Variants in CENPQ observed in about 807,000 individuals in gnomAD.
CENPQ encodes centromere protein Q, also known as chromosome 6 open reading frame 139.
CENPQ carries 27 observed loss-of-function variants against 36.6 expected under a neutral mutation model. That is an observed-to-expected ratio of 0.74 (90% CI 0.54 to 1.02). The LOEUF (loss-of-function observed/expected upper bound fraction) is 1.02, where lower values mean the gene tolerates loss of function less well. CENPQ is among the 50% of genes least tolerant of loss of function. The pLI is 0.00. For missense variants in CENPQ, 306 were observed against 301.8 expected (o/e 1.01, Z -0.10); for synonymous variants, 101 against 101.7 (o/e 0.99, Z 0.04).
rs577581513 is a variant in CENPQ at position 49,479,372 on chromosome 6, G to GA, written c.348-1572dup. ...AAACATACATGCGGCCAACAAACATGAAAAAAATGCTCTCAACATCACTAA... is the reference window on the plus strand; with the variant it reads ...AAACATACATGCGGCCAACAAACATGAAAAAAAATGCTCTCAACATCACTAA... On this transcript the variant is annotated intron_variant, in intron 5 of 8. Coordinates refer to ENST00000335783, the MANE Select transcript of CENPQ (RefSeq NM_018132.4). Among the ~76,000 whole-genome samples, 444 of 152,028 alleles carry GA rather than the reference G, an allele frequency of 2.9e-3. 1 individual carries two copies. Among genetic ancestry groups the GA allele is most frequent in the African/African-American group, 6.9e-3 (287 of 41,474 alleles).
intron 5 of CENPQ, among the ~76,000 whole-genome samples, chr6:49,473,740 C>A (rs1402215759): frequency 6.6e-6 from 1 of 152,050 alleles, no homozygotes; most frequent in East Asian, 1.9e-4. Context: ...TGGATAGAGT[C>A]AAAACCCATC....
At chr6:49,481,909 G>T (rs1220881628) in intron 6 of CENPQ, among the ~76,000 whole-genome samples, 5 of 152,198 alleles carry the variant, frequency 3.3e-5, no homozygotes, top group Non-Finnish European at 7.3e-5. Context: ...GGGCTGCACA[G>T]GAGCCCACGG....
At chr6:49,476,199 C>A (rs185764175) in intron 5 of CENPQ, among the ~76,000 whole-genome samples, 37 of 152,292 alleles carry the variant, frequency 2.4e-4, no homozygotes, top group African/African-American at 8.4e-4. Context: ...GTAAACAAAA[C>A]ACCATGGTAC....
intron 5 of CENPQ, among the ~76,000 whole-genome samples, chr6:49,475,769 A>G (rs536852860): frequency 6.3e-4 from 96 of 152,322 alleles, no homozygotes; most frequent in Non-Finnish European, 1.1e-3. Context: ...AAGCATTCTT[A>G]TACACCAATA....
At chr6:49,481,996 A>T (rs1210771451) in intron 6 of CENPQ, among the ~76,000 whole-genome samples, 1 of 152,098 alleles carries the variant, frequency 6.6e-6, no homozygotes, top group Non-Finnish European at 1.5e-5. Context: ...CCCGGCGACA[A>T]ATTGAGCGCA....
chr6:49,479,576 A>T (rs1462771112), intron 5 of CENPQ, among the ~76,000 whole-genome samples: 1 of 152,162 alleles, frequency 6.6e-6, no homozygotes, highest in East Asian at 1.9e-4. Flanking sequence ...AGTTTGGCAG[A>T]TTCTCAACTT....
intron 6 of CENPQ, among the ~76,000 whole-genome samples, chr6:49,483,009 A>G (rs979968329): frequency 2.0e-5 from 3 of 152,126 alleles, no homozygotes; most frequent in African/African-American, 7.2e-5. Flanking sequence ...AGGGGACCCA[A>G]GCGGGTTGCC....
intron 6 of CENPQ, among the ~76,000 whole-genome samples, chr6:49,486,108 G>A (rs187734909): frequency 1.6e-4 from 25 of 152,224 alleles, no homozygotes; most frequent in African/African-American, 5.5e-4. Context: ...AAAAAGCCAC[G>A]TGAAACACAA....
chr6:49,488,739 T>C, intron 8 of CENPQ, 55 bp downstream of exon 8: 2 of 1,446,450 alleles, frequency 1.4e-6, no homozygotes, highest in Non-Finnish European at 1.9e-6. Context: ...TGTTGCAAAT[T>C]TGGATTCAGA....
chr6:49,470,239 A>C lies in CENPQ; in HGVS notation c.63A>C (p.Arg21Ser), dbSNP rs529470411. 5.0e-6 allele frequency: 8 copies of C among 1,607,256 alleles called. No homozygotes were observed. In the African/African-American group the frequency reaches 9.4e-5, roughly 19 times the overall value. ...AACAGTTAAAAAGAAATCCAAAGAG[A>C]AAAAAGGATAATGAGGAAGTTGTGT... ...NAQQLKRNPKRKKDNEEVVLS... is the reference protein window; with the variant it reads ...NAQQLKRNPKSKKDNEEVVLS... Residue 21 changes from arginine to serine, a missense_variant, in exon 2 of 9, where the codon AGA becomes AGC. Coordinates refer to ENST00000335783, the MANE Select transcript of CENPQ (RefSeq NM_018132.4).
rs553995796 is a variant in CENPQ, at chr6:49,488,712, C to T, written c.675+28C>T. 3.2e-6 allele frequency: 5 copies of T among 1,559,676 alleles called. No homozygotes were observed. In the South Asian group the frequency reaches 5.6e-5, roughly 17 times the overall value. On this transcript the variant is annotated intron_variant, in intron 8 of 8. Coordinates refer to ENST00000335783, the MANE Select transcript of CENPQ (RefSeq NM_018132.4). Reference sequence around the variant, plus strand: ...AAGTGCCTATTTACCATATTGATTACAGGCATACTTTAGAGATGTTGCAAA... The same window carrying T: ...AAGTGCCTATTTACCATATTGATTATAGGCATACTTTAGAGATGTTGCAAA...
chr6:49,483,731 C>T (rs1335986926), intron 6 of CENPQ, among the ~76,000 whole-genome samples: 1 of 152,244 alleles, frequency 6.6e-6, no homozygotes, highest in African/African-American at 2.4e-5. Context: ...GCTAAACCCA[C>T]GCCCACCTGG....
intron 6 of CENPQ, among the ~76,000 whole-genome samples, chr6:49,485,684 A>C (rs1429521890): frequency 6.6e-6 from 1 of 152,162 alleles, no homozygotes; most frequent in African/African-American, 2.4e-5. Flanking sequence ...AACCTTGCAG[A>C]TATGTAGACT....
rs558138758 is a variant in CENPQ at position 49,483,015 on chromosome 6, T to C, written c.477+1935T>C. Among the ~76,000 whole-genome samples the C allele has an allele frequency of 5.9e-5, 9 of 152,168 alleles. No individual in the cohort carries two copies. The South Asian group carries it at 1.9e-3, about 32-fold the overall frequency. ...TAGTGTGGAAGGGGACCCAAGCGGG[T>C]TGCCACTGCTGGCTCAGGCAGCCTG... On this transcript the variant is annotated intron_variant, in intron 6 of 8. Transcript: ENST00000335783.
chr6:49,471,939 T>C lies in CENPQ; in HGVS notation c.158-124T>C, dbSNP rs941700149. ...GATAAAAAGTAAATTAAACAGTTTATACAGCTTTATAATATTTTGTTCTGA... is the reference window on the plus strand; with the variant it reads ...GATAAAAAGTAAATTAAACAGTTTACACAGCTTTATAATATTTTGTTCTGA... On this transcript the variant is annotated intron_variant, in intron 3 of 8. Coordinates refer to ENST00000335783, the MANE Select transcript of CENPQ (RefSeq NM_018132.4). 2.8e-6 allele frequency: 3 copies of C among 1,086,060 alleles called. No individual in the cohort carries two copies. In the African/African-American group the frequency reaches 4.8e-5, roughly 17 times the overall value. 67.3% of individuals were successfully genotyped at this position (1,086,060 alleles called of 1,614,324 possible). A position where few individuals can be genotyped will look rare whatever the true frequency, so the allele number is the denominator to read the frequency against.
At position 49,466,510 on chromosome 6, in the gene CENPQ, A is replaced by G. The variant is rs573404022; in HGVS notation, c.-19+3057A>G. ...CCCATAGCACAAACCAGTTTAAGAC[A>G]GTCATTCGCTCACTTGCCTCTTTAT... is the stretch of plus-strand genomic sequence containing the variant. On this transcript the variant is annotated intron_variant, in intron 1 of 8. Coordinates refer to ENST00000335783, the MANE Select transcript of CENPQ (RefSeq NM_018132.4). Among the ~76,000 whole-genome samples the G allele has an allele frequency of 5.3e-5, 8 of 152,360 alleles. No homozygotes were observed. In the South Asian group the frequency reaches 1.7e-3, roughly 32 times the overall value.
At chr6:49,473,151 C>T (rs1768186065) in intron 5 of CENPQ, among the ~76,000 whole-genome samples, 1 of 152,130 alleles carries the variant, frequency 6.6e-6, no homozygotes. Flanking sequence ...CTCCCTTCAA[C>T]TTCATTTTTA....
chr6:49,484,477 T>C (rs13205049), intron 6 of CENPQ, among the ~76,000 whole-genome samples: 25 of 152,340 alleles, frequency 1.6e-4, no homozygotes, highest in Non-Finnish European at 3.4e-4. Flanking sequence ...AGGAGCTTAT[T>C]AGATAATTAT....
intron 5 of CENPQ, among the ~76,000 whole-genome samples, chr6:49,476,429 G>A (rs548990282): frequency 5.3e-5 from 8 of 152,214 alleles, no homozygotes; most frequent in African/African-American, 1.4e-4. Flanking sequence ...AATTCAAGGT[G>A]GATTAAAGAC....
Sources: gnomAD v4.1 joint callset for allele counts (sites outside exome capture counted in the v4.1 genomes callset) on GRCh38, gnomAD v4.1.1 for gene constraint, MANE v1.5 for transcripts, NCBI Gene and HGNC (gene_info 2026-07-23, HGNC 2026-07-21) for gene names.